Variants in AFF3 observed in about 807,000 individuals in gnomAD.
The protein encoded by AFF3 is ALF transcription elongation factor 3.
AFF3 carries 32 observed loss-of-function variants against 129.7 expected under a neutral mutation model. The ratio of observed to expected loss-of-function variants is 0.25; its 90% CI spans 0.19 to 0.33. The LOEUF is 0.33. Ranked by LOEUF, AFF3 falls within the 10% of genes least tolerant of loss-of-function variation. The probability of loss-of-function intolerance (pLI) is 1.00; values close to 1 mark genes in which losing one functional copy is unlikely to be tolerated. For synonymous variants in AFF3, 644 were observed against 635.4 expected (o/e 1.01, Z -0.20); for missense variants, 1,373 against 1,592.0 (o/e 0.86, Z 2.34).
intron 18 of AFF3, among the ~76,000 whole-genome samples, chr2:99,569,909 G>A (rs1575383236): frequency 6.6e-6 from 1 of 152,290 alleles, no homozygotes; most frequent in Middle Eastern, 3.4e-3. Flanking sequence ...AGATCCTAAT[G>A]GGTCTTTTAC....
intron 8 of AFF3, among the ~76,000 whole-genome samples, chr2:99,811,216 C>G (rs1686763753): frequency 6.6e-6 from 1 of 152,190 alleles, no homozygotes; most frequent in African/African-American, 2.4e-5. Flanking sequence ...TATGTAAGAT[C>G]ATCTATTGCC....
chr2:99,906,370 C>T (rs1694717246), intron 7 of AFF3, among the ~76,000 whole-genome samples: 1 of 152,114 alleles, frequency 6.6e-6, no homozygotes, highest in South Asian at 2.1e-4. Flanking sequence ...TTCTCAACTA[C>T]CAAGTGGGTG....
chr2:99,876,652 C>T (rs748995456), intron 7 of AFF3, among the ~76,000 whole-genome samples: 2 of 152,044 alleles, frequency 1.3e-5, no homozygotes, highest in Admixed American at 6.6e-5. Flanking sequence ...GATTCTCCAA[C>T]GGCTTTCCAT....
At chr2:99,676,884 G>A (rs963586035) in intron 11 of AFF3, among the ~76,000 whole-genome samples, 7 of 152,154 alleles carry the variant, frequency 4.6e-5, no homozygotes, top group African/African-American at 9.7e-5. Flanking sequence ...GGGAGCTAGC[G>A]GGTGGCCACG....
At chr2:100,026,783 A>C (rs1684084959) in intron 4 of AFF3, among the ~76,000 whole-genome samples, 1 of 151,080 alleles carries the variant, frequency 6.6e-6, no homozygotes, top group African/African-American at 2.4e-5. Flanking sequence ...ATTTGCAGTG[A>C]CCTGGATAAG....
At chr2:99,873,557 G>A (rs1191621658) in intron 7 of AFF3, among the ~76,000 whole-genome samples, 1 of 152,118 alleles carries the variant, frequency 6.6e-6, no homozygotes, top group Non-Finnish European at 1.5e-5. Context: ...GAGAGGATTC[G>A]CAGTACATGT....
chr2:99,585,499 A>G (rs987339477), intron 16 of AFF3, among the ~76,000 whole-genome samples: 9 of 152,200 alleles, frequency 5.9e-5, no homozygotes, highest in African/African-American at 2.2e-4. Flanking sequence ...CAAAACCATC[A>G]GAACTAAGAG....
At chr2:99,650,799 T>C (rs763223988) in intron 12 of AFF3, among the ~76,000 whole-genome samples, 20 of 81,124 alleles carry the variant, frequency 2.5e-4, no homozygotes, top group Non-Finnish European at 4.6e-4. Context: ...AAAATTAATG[T>C]GTGTGTGTGT....
rs1251545015 is a variant in AFF3 at position 100,104,488 on chromosome 2, C to G, written c.-34G>C. ...GTGTCAGCGTCGCCGCCGCCGCTAC[C>G]GCCGCCGCCGAGGCTCGGGCCGCCC... On this transcript the variant is annotated 5_prime_UTR_variant, in exon 4 of 25. Coordinates refer to ENST00000672756, the MANE Select transcript of AFF3 (RefSeq NM_001386135.1). 3 of 1,301,544 alleles carry G rather than the reference C, an allele frequency of 2.3e-6. No homozygotes were observed. Among genetic ancestry groups the G allele is most frequent in the Non-Finnish European group, 3.0e-6 (3 of 999,598 alleles). 80.6% of individuals were successfully genotyped at this position (1,301,544 alleles called of 1,614,324 possible).
At chr2:99,858,875 C>T (rs946677693) in intron 7 of AFF3, among the ~76,000 whole-genome samples, 1 of 152,134 alleles carries the variant, frequency 6.6e-6, no homozygotes, top group African/African-American at 2.4e-5. Context: ...TGTAATAAAC[C>T]TGCACTTGTA....
chr2:99,882,611 T>C (rs997930174), intron 7 of AFF3, among the ~76,000 whole-genome samples: 1 of 152,218 alleles, frequency 6.6e-6, no homozygotes, highest in South Asian at 2.1e-4. Flanking sequence ...AAGGTCTGGC[T>C]GATGAAAGAG....
intron 3 of AFF3, chr2:100,104,833 G>T: frequency 2.1e-6 from 1 of 487,176 alleles, no homozygotes; most frequent in Non-Finnish European, 2.5e-6. Flanking sequence ...GCGGTGCTCT[G>T]CGCCCGCCCG....
At chr2:99,993,439 ATAATT>A (rs1189095545) in intron 7 of AFF3, among the ~76,000 whole-genome samples, 1 of 152,176 alleles carries the variant, frequency 6.6e-6, no homozygotes, top group Non-Finnish European at 1.5e-5. Flanking sequence ...TCAGAAAAGA[ATAATT>A]TAAGTAATCA....
intron 7 of AFF3, among the ~76,000 whole-genome samples, chr2:99,985,243 T>C (rs912412455): frequency 6.6e-6 from 1 of 152,256 alleles, no homozygotes; most frequent in African/African-American, 2.4e-5. Flanking sequence ...AGTACAACTA[T>C]ATTTCTGTCA....
chr2:99,637,542 C>T (rs1490685933), intron 13 of AFF3, among the ~76,000 whole-genome samples: 1 of 152,294 alleles, frequency 6.6e-6, no homozygotes, highest in African/African-American at 2.4e-5. Context: ...AAAGGGGGGA[C>T]TACCAGGTGT....
chr2:99,817,249 G>A (rs1487131406), intron 8 of AFF3, among the ~76,000 whole-genome samples: 2 of 152,148 alleles, frequency 1.3e-5, no homozygotes, highest in African/African-American at 4.8e-5. Flanking sequence ...ACCTCCCCGG[G>A]TCTGCCACCC....
At chr2:99,591,542 T>C (rs1678681825) in intron 15 of AFF3, among the ~76,000 whole-genome samples, 2 of 152,154 alleles carry the variant, frequency 1.3e-5, no homozygotes, top group Non-Finnish European at 1.5e-5. Context: ...ACAAAGATGA[T>C]TGTCATAAAA....
At chr2:99,632,107 C>T (rs141048204) in intron 13 of AFF3, among the ~76,000 whole-genome samples, 2,170 of 150,606 alleles carry the variant, frequency 0.014, 43 homozygotes, top group African/African-American at 0.05. Context: ...CCTCCACCTC[C>T]CGGGTTCAAG....
intron 8 of AFF3, among the ~76,000 whole-genome samples, chr2:99,835,576 A>T (rs1688809635): frequency 6.7e-6 from 1 of 148,196 alleles, no homozygotes; most frequent in South Asian, 2.2e-4. Context: ...ACTACTACTA[A>T]CGCCTTAGGC....
Sources: allele counts gnomAD v4.1 joint callset (sites outside exome capture counted in the v4.1 genomes callset), GRCh38; gene constraint gnomAD v4.1.1; transcripts MANE v1.5; gene names NCBI Gene and HGNC (gene_info 2026-07-23, HGNC 2026-07-21).